Variants in CTNNA3 observed in about 807,000 individuals in gnomAD.
The protein encoded by CTNNA3 is catenin alpha-3.
In CTNNA3, 76 loss-of-function variants were observed where a neutral mutation model predicts 95.7. That is an observed-to-expected ratio of 0.79 (90% CI 0.66 to 0.96). The LOEUF (loss-of-function observed/expected upper bound fraction) is 0.96, where lower values mean the gene tolerates loss of function less well. Among genes scored for constraint, CTNNA3 ranks in the 40% least tolerant of loss-of-function variants. The pLI, the probability that CTNNA3 is intolerant of heterozygous loss-of-function variation, is 0.00. For missense variants in CTNNA3, 1,191 were observed against 1,089.8 expected (o/e 1.09, Z -1.31); for synonymous variants, 431 against 374.4 (o/e 1.15, Z -1.74).
chr10:67,214,133 C>T (rs969402523), intron 6 of CTNNA3, among the ~76,000 whole-genome samples: 1 of 151,564 alleles, frequency 6.6e-6, no homozygotes, highest in Non-Finnish European at 1.5e-5. Context: ...ATTATGATTC[C>T]AAGATTATTT....
chr10:67,542,853 G>T (rs1180545416), intron 3 of CTNNA3, among the ~76,000 whole-genome samples: 1 of 151,970 alleles, frequency 6.6e-6, no homozygotes, highest in Non-Finnish European at 1.5e-5. Context: ...GGAGAAAATG[G>T]TTATTTTCCT....
chr10:65,994,341 C>T (rs867168245), intron 15 of CTNNA3, among the ~76,000 whole-genome samples: 2 of 152,022 alleles, frequency 1.3e-5, no homozygotes, highest in Middle Eastern at 3.2e-3. Context: ...AATAAATTTC[C>T]TCAGTTTTTG....
intron 5 of CTNNA3, among the ~76,000 whole-genome samples, chr10:67,338,539 G>A (rs905825556): frequency 2.6e-5 from 4 of 151,964 alleles, no homozygotes; most frequent in African/African-American, 9.7e-5. Context: ...TTATACAAAT[G>A]CCAATAAAGC....
In CTNNA3 at chr10:66,407,859, G is replaced by GT. The variant is rs1330162334; in HGVS notation, c.1532-28508dup. Among the ~76,000 whole-genome samples, 4 of 152,134 alleles carry GT rather than the reference G, an allele frequency of 2.6e-5. No individual in the cohort carries two copies. The East Asian group carries it at 7.7e-4, about 29-fold the overall frequency. On this transcript the variant is annotated intron_variant, in intron 11 of 17. Transcript: ENST00000433211. ...CTCCCAAAGTGCTGGGATTACAGGCGTGAGAAACCACACCCGGCCAACTTT... is the reference window on the plus strand; with the variant it reads ...CTCCCAAAGTGCTGGGATTACAGGCGTTGAGAAACCACACCCGGCCAACTTT...
At chr10:67,097,016 C>T (rs992760643) in intron 7 of CTNNA3, among the ~76,000 whole-genome samples, 2 of 151,772 alleles carry the variant, frequency 1.3e-5, no homozygotes, top group Admixed American at 6.6e-5. Flanking sequence ...CAATGGTTAT[C>T]GAAGTGTGGT....
chr10:67,637,156 G>C (rs901189466), intron 2 of CTNNA3, among the ~76,000 whole-genome samples: 2 of 152,186 alleles, frequency 1.3e-5, no homozygotes, highest in Admixed American at 6.5e-5. Flanking sequence ...ACCCAACGCA[G>C]AGAAGTTCTT....
At chr10:66,582,637 C>T (rs1480032455) in intron 10 of CTNNA3, among the ~76,000 whole-genome samples, 1 of 151,740 alleles carries the variant, frequency 6.6e-6, no homozygotes, top group African/African-American at 2.4e-5. Flanking sequence ...ATTTATTTCT[C>T]TTGTCTGATT....
intron 7 of CTNNA3, among the ~76,000 whole-genome samples, chr10:66,844,039 C>A (rs1023850567): frequency 6.6e-6 from 1 of 152,194 alleles, no homozygotes; most frequent in Non-Finnish European, 1.5e-5. Flanking sequence ...TGTTTTGCCT[C>A]TTGTCGGAAA....
intron 7 of CTNNA3, among the ~76,000 whole-genome samples, chr10:66,977,834 T>C (rs1850135138): frequency 1.3e-5 from 2 of 152,324 alleles, no homozygotes; most frequent in South Asian, 2.1e-4. Flanking sequence ...TCATGCTTTA[T>C]AGCCTCCTAT....
chr10:66,982,941 G>A (rs1850526798), intron 7 of CTNNA3, among the ~76,000 whole-genome samples: 1 of 152,136 alleles, frequency 6.6e-6, no homozygotes, highest in African/African-American at 2.4e-5. Flanking sequence ...CAGACTGTCT[G>A]CAGAGGGCTT....
intron 9 of CTNNA3, among the ~76,000 whole-genome samples, chr10:66,746,299 A>G (rs1418334102): frequency 2.0e-5 from 3 of 152,282 alleles, no homozygotes; most frequent in African/African-American, 7.2e-5. Context: ...AGAAAACAAA[A>G]GATTATGGAC....
chr10:66,594,419 T>G (rs149455753), intron 10 of CTNNA3, among the ~76,000 whole-genome samples: 265 of 152,256 alleles, frequency 1.7e-3, no homozygotes, highest in African/African-American at 5.8e-3. Flanking sequence ...AAATTCTTCC[T>G]GTTTTACTGC....
At chr10:66,097,491 T>C (rs1314761356) in intron 14 of CTNNA3, among the ~76,000 whole-genome samples, 1 of 152,154 alleles carries the variant, frequency 6.6e-6, no homozygotes, top group Non-Finnish European at 1.5e-5. Context: ...ATCATCATGA[T>C]TTTACAGATA....
At chr10:66,292,868 C>A (rs1347775797) in intron 12 of CTNNA3, among the ~76,000 whole-genome samples, 1 of 152,116 alleles carries the variant, frequency 6.6e-6, no homozygotes, top group East Asian at 1.9e-4. Flanking sequence ...CTACCTACTT[C>A]TTTCTCCTCA....
chr10:67,264,229 G>A (rs1311964283), intron 5 of CTNNA3, among the ~76,000 whole-genome samples: 1 of 152,118 alleles, frequency 6.6e-6, no homozygotes, highest in Non-Finnish European at 1.5e-5. Flanking sequence ...TGAGTAACTA[G>A]TCCAAAGCCC....
chr10:65,967,472 T>G (rs1202678243), intron 16 of CTNNA3, among the ~76,000 whole-genome samples: 2 of 152,206 alleles, frequency 1.3e-5, no homozygotes, highest in Admixed American at 1.3e-4. Context: ...CTGTCTGTCC[T>G]GTGCTACTCA....
intron 11 of CTNNA3, 43 bp from the exon 12 acceptor site, chr10:66,379,395 T>TTTAAA: frequency 6.8e-7 from 1 of 1,468,900 alleles, no homozygotes; most frequent in African/African-American, 1.4e-5. Context: ...TGTGTCTGTG[T>TTTAAA]TTAAAATCAT....
chr10:66,571,638 C>T (rs1006673661), intron 10 of CTNNA3, among the ~76,000 whole-genome samples: 2 of 152,024 alleles, frequency 1.3e-5, no homozygotes, highest in Non-Finnish European at 2.9e-5. Context: ...GACTAATGAA[C>T]AAAAAGAAAA....
intron 7 of CTNNA3, among the ~76,000 whole-genome samples, chr10:66,912,034 G>C (rs1337654843): frequency 1.3e-5 from 2 of 152,060 alleles, no homozygotes; most frequent in African/African-American, 4.8e-5. Context: ...AAAAAGTCTG[G>C]CCTCAAATAT....
Sources: allele counts gnomAD v4.1 joint callset (sites outside exome capture counted in the v4.1 genomes callset), GRCh38; gene constraint gnomAD v4.1.1; transcripts MANE v1.5; gene names NCBI Gene and HGNC (gene_info 2026-07-23, HGNC 2026-07-21).